The following ZNF354B variants were observed in gnomAD, a reference collection of about 807,000 sequenced individuals.
ZNF354B encodes the protein zinc finger protein 354B.
ZNF354B carries 10 observed loss-of-function variants against 12.9 expected under a neutral mutation model. The observed-to-expected ratio is 0.77, with a 90% CI of 0.48 to 1.31. The LOEUF (loss-of-function observed/expected upper bound fraction) is 1.31, where lower values mean the gene tolerates loss of function less well. ZNF354B is among the 40% of genes most tolerant of loss of function. The pLI is 0.00. For missense variants in ZNF354B, 614 were observed against 711.7 expected (o/e 0.86, Z 1.56); for synonymous variants, 260 against 243.7 (o/e 1.07, Z -0.62).
chr5:178,863,294 ATATG>A (rs1322739913), intron 2 of ZNF354B, among the ~76,000 whole-genome samples: 1 of 152,204 alleles, frequency 6.6e-6, no homozygotes, highest in Non-Finnish European at 1.5e-5. Flanking sequence ...GTGTGTATAT[ATATG>A]TGCATATGTA....
At chr5:178,866,888 A>C in intron 3 of ZNF354B, 88 bp from the exon 4 acceptor site, 1 of 1,290,952 alleles carries the variant, frequency 7.7e-7, no homozygotes, top group Non-Finnish European at 1.1e-6. Flanking sequence ...TTCTGTAGAA[A>C]AGCCACGGTT....
rs563322664 is a variant in ZNF354B at position 178,876,773 on chromosome 5, CATT to C, written c.257-5932_257-5930del. ...CTTTTTATTGATACTTCGATTTGTTCATTATTTTCATGAGTCATTCATATTTCC... is the reference window on the plus strand; with the variant it reads ...CTTTTTATTGATACTTCGATTTGTTCATTTTCATGAGTCATTCATATTTCC... On this transcript the variant is annotated intron_variant, in intron 4 of 4. Coordinates refer to ENST00000322434, the MANE Select transcript of ZNF354B (RefSeq NM_058230.3). Among the ~76,000 whole-genome samples, 25 of 152,136 alleles carry C rather than the reference CATT, an allele frequency of 1.6e-4. No individual in the cohort carries two copies. In the South Asian group the frequency reaches 5.2e-3, roughly 32 times the overall value.
Position 178,884,023 on chromosome 5 carries a change from G to A in ZNF354B, c.1571G>A (p.Cys524Tyr), listed in dbSNP as rs910902688. 6.2e-6 allele frequency: 10 copies of A among 1,614,016 alleles called. No homozygotes were observed. The African/African-American group carries it at 1.1e-4, about 17-fold the overall frequency. Residue 524 changes from cysteine (C) to tyrosine (Y), a missense_variant, in exon 5 of 5, where the codon TGT becomes TAT. By Grantham distance (194) the Cys-to-Tyr change is radical. Coordinates refer to ENST00000322434, the MANE Select transcript of ZNF354B (RefSeq NM_058230.3). ...CATACTGGAGAGAAACCATATCGAT[G>A]TTTAGAATGTGGGATGTCTTTTGGC... Reference protein sequence around the residue: ...RIHTGEKPYRCLECGMSFGQS... With the variant: ...RIHTGEKPYRYLECGMSFGQS...
chr5:178,861,953 G>A (rs1757354973), intron 2 of ZNF354B, among the ~76,000 whole-genome samples: 1 of 152,182 alleles, frequency 6.6e-6, no homozygotes, highest in South Asian at 2.1e-4. Flanking sequence ...AGTAGTTACT[G>A]CTCAGCATAT....
intron 2 of ZNF354B, among the ~76,000 whole-genome samples, chr5:178,861,681 G>C (rs1757351460): frequency 6.6e-6 from 1 of 152,080 alleles, no homozygotes; most frequent in South Asian, 2.1e-4. Context: ...AGACCCCTCA[G>C]CTAGCGGCAG....
In ZNF354B at chr5:178,880,198, TTTTC is replaced by T. The variant is rs199697791; in HGVS notation, c.257-2503_257-2500del. Among the ~76,000 whole-genome samples, 1,607 of 151,608 alleles carry T rather than the reference TTTTC, an allele frequency of 0.011. 58 individuals are homozygous for T. The East Asian group carries it at 0.12, about 12-fold the overall frequency. On this transcript the variant is annotated intron_variant, in intron 4 of 4. Coordinates refer to ENST00000322434, the MANE Select transcript of ZNF354B (RefSeq NM_058230.3). ...TTCGTCATCCAATTTCTTTTTTTCCTTTTCTTTCTTTTTTTTTTTTTAGACGGGG... is the reference window on the plus strand; with the variant it reads ...TTCGTCATCCAATTTCTTTTTTTCCTTTTCTTTTTTTTTTTTTAGACGGGG...
At chr5:178,871,499 G>A (rs1227057169) in intron 4 of ZNF354B, among the ~76,000 whole-genome samples, 1 of 152,222 alleles carries the variant, frequency 6.6e-6, no homozygotes, top group East Asian at 1.9e-4. Flanking sequence ...GCTTAGCGCT[G>A]TGTAATAGAC....
chr5:178,881,933 T>C (rs551109097), intron 4 of ZNF354B, among the ~76,000 whole-genome samples: 1 of 152,362 alleles, frequency 6.6e-6, no homozygotes, highest in East Asian at 1.9e-4. Context: ...TACTCATATC[T>C]AATTGATTTA....
chr5:178,865,719 T>C (rs1410140167), intron 2 of ZNF354B, among the ~76,000 whole-genome samples: 1 of 152,222 alleles, frequency 6.6e-6, no homozygotes, highest in Non-Finnish European at 1.5e-5. Context: ...GTCTGGCCCA[T>C]GTAAAGCATT....
chr5:178,876,382 A>AG (rs1336820138), intron 4 of ZNF354B, among the ~76,000 whole-genome samples: 4 of 152,210 alleles, frequency 2.6e-5, no homozygotes, highest in Non-Finnish European at 5.9e-5. Context: ...GGGCAACAGC[A>AG]GTGAGGGCTG....
chr5:178,868,253 C>T (rs1194515858), intron 4 of ZNF354B, among the ~76,000 whole-genome samples: 1 of 149,664 alleles, frequency 6.7e-6, no homozygotes, highest in Non-Finnish European at 1.5e-5. Flanking sequence ...GTGAGGGGGC[C>T]AAGTGGAGGC....
rs548562729 is a variant in ZNF354B, at chr5:178,859,983, C to T, written c.-196C>T. ...CCGCCTTGCTCCTCTAGGTCCCAGGCGCTCTGCGGAGCTTTCGCTGCCCGG... is the reference window on the plus strand; with the variant it reads ...CCGCCTTGCTCCTCTAGGTCCCAGGTGCTCTGCGGAGCTTTCGCTGCCCGG... On this transcript the variant is annotated 5_prime_UTR_variant, in exon 1 of 5. Coordinates refer to ENST00000322434, the MANE Select transcript of ZNF354B (RefSeq NM_058230.3). 1 of 152,304 alleles carries T rather than the reference C, an allele frequency of 6.6e-6. No individual in the cohort carries two copies. The highest frequency in any genetic ancestry group is 1.5e-5 in the Non-Finnish European group (1 of 68,094). 9.4% of individuals were successfully genotyped at this position (152,304 alleles called of 1,614,324 possible).
rs374015682 is a variant in ZNF354B, at chr5:178,866,265, G to A, written c.55G>A (p.Val19Met). ...ACAGGTGTCACTGACATTCGAGGAC[G>A]TGGCTGTGCTCTTTACCTGGGATGA... The part of the protein sequence containing the change: ...RPQVSLTFED[V>M]AVLFTWDEWR... The change falls in exon 3 of 5, where the codon GTG becomes ATG. Residue 19 changes from valine to methionine, a missense_variant. Transcript: ENST00000322434. The A allele has an allele frequency of 1.5e-4, 240 of 1,614,038 alleles. No individual in the cohort carries two copies. Among genetic ancestry groups the A allele is most frequent in the Non-Finnish European group, 2.0e-4 (233 of 1,180,004 alleles).
Position 178,883,298 on chromosome 5 carries a change from T to C in ZNF354B, c.846T>C (p.Ser282=), listed in dbSNP as rs978011200. The C allele has an allele frequency of 1.2e-6, 2 of 1,614,014 alleles. No individual in the cohort carries two copies. The highest frequency in any genetic ancestry group is 1.7e-6 in the Non-Finnish European group (2 of 1,179,944). ...AATGTGGGAAAGCCTTCAGCCATAG[T>C]GCATCCCTTTGTAAGCATTTAAGGA... ...CKECGKAFSH[S]ASLCKHLRTH... is the part of the protein sequence containing the mutation. The change falls in exon 5 of 5, where the codon AGT becomes AGC. Residue 282 remains serine, a synonymous_variant. Coordinates refer to ENST00000322434, the MANE Select transcript of ZNF354B (RefSeq NM_058230.3).
At chr5:178,866,206 G>C (rs1371882938) in intron 2 of ZNF354B, 38 bp from the exon 3 acceptor site, 8 of 1,611,364 alleles carry the variant, frequency 5.0e-6, no homozygotes, top group Non-Finnish European at 5.9e-6. Context: ...ACTCTGTGAG[G>C]GTGGTCCTGG....
intron 4 of ZNF354B, among the ~76,000 whole-genome samples, chr5:178,874,662 T>G (rs1325637253): frequency 1.3e-5 from 2 of 152,216 alleles, no homozygotes; most frequent in African/African-American, 4.8e-5. Flanking sequence ...CTTACATTCC[T>G]TGGATTGGGT....
At chr5:178,864,494 C>G (rs1413205910) in intron 2 of ZNF354B, among the ~76,000 whole-genome samples, 2 of 152,170 alleles carry the variant, frequency 1.3e-5, no homozygotes, top group African/African-American at 4.8e-5. Context: ...GTTAATGCGA[C>G]ACACGACTGT....
intron 4 of ZNF354B, among the ~76,000 whole-genome samples, chr5:178,876,367 C>T (rs532982275): frequency 3.3e-5 from 5 of 152,316 alleles, no homozygotes; most frequent in Non-Finnish European, 5.9e-5. Flanking sequence ...CCCTCCAGAG[C>T]CTGAGGGCAA....
intron 4 of ZNF354B, among the ~76,000 whole-genome samples, chr5:178,878,382 C>T (rs1199155278): frequency 1.0e-5 from 1 of 97,340 alleles, no homozygotes; most frequent in Admixed American, 1.1e-4. Flanking sequence ...GACTCCGTCT[C>T]AAAAAAAAAA....
Sources: gnomAD v4.1 joint callset for allele counts (sites outside exome capture counted in the v4.1 genomes callset) on GRCh38, gnomAD v4.1.1 for gene constraint, MANE v1.5 for transcripts, NCBI Gene and HGNC (gene_info 2026-07-23, HGNC 2026-07-21) for gene names.